The following ZFP91 variants were observed in gnomAD, a reference collection of about 807,000 sequenced individuals.
The protein encoded by ZFP91 is E3 ubiquitin-protein ligase ZFP91.
A neutral mutation model predicts 63.5 loss-of-function variants in ZFP91; 7 were observed. The observed-to-expected ratio is 0.11, with a 90% CI of 0.06 to 0.21. ZFP91 has a LOEUF of 0.21. Among genes scored for constraint, ZFP91 ranks in the 10% least tolerant of loss-of-function variants. ZFP91 has a pLI of 1.00. For synonymous variants in ZFP91, 330 were observed against 272.1 expected (o/e 1.21, Z -2.10); for missense variants, 628 against 736.6 (o/e 0.85, Z 1.71).
At chr11:58,604,727 A>G (rs1404656470) in intron 2 of ZFP91, among the ~76,000 whole-genome samples, 3 of 152,160 alleles carry the variant, frequency 2.0e-5, no homozygotes, top group Non-Finnish European at 1.5e-5. Flanking sequence ...TTAACACATT[A>G]TGAGTTCTTT....
At chr11:58,615,938 A>G (rs1855742368) in intron 9 of ZFP91, among the ~76,000 whole-genome samples, 1 of 152,232 alleles carries the variant, frequency 6.6e-6, no homozygotes, top group Non-Finnish European at 1.5e-5. Flanking sequence ...AAATATATAT[A>G]GAGAGCATCT....
In ZFP91 at chr11:58,610,033, G is replaced by C. The variant is rs763115483; in HGVS notation, c.574G>C (p.Asp192His). ...GTCAGAACCAAATACAGACCAACTTGATTATGGTACAGTGCAACTAGAATA... is the reference window on the plus strand; with the variant it reads ...GTCAGAACCAAATACAGACCAACTTCATTATGGTACAGTGCAACTAGAATA... ...CKSEPNTDQLDYDVGEEHQSP... is the reference protein window; with the variant it reads ...CKSEPNTDQLHYDVGEEHQSP... Residue 192 changes from aspartate (D) to histidine (H), a missense_variant, in exon 3 of 11, where the codon GAT becomes CAT. Transcript: ENST00000316059. 2.5e-6 allele frequency: 4 copies of C among 1,614,132 alleles called. No homozygotes were observed. Among genetic ancestry groups the C allele is most frequent in the Admixed American group, 1.7e-5 (1 of 60,034 alleles).
At chr11:58,614,208 C>G in intron 8 of ZFP91, 21 bp from the exon 9 acceptor site, 1 of 1,510,174 alleles carries the variant, frequency 6.6e-7, no homozygotes, top group Non-Finnish European at 8.9e-7. Context: ...TTTTTCGCCC[C>G]TTTCACTTTC....
intron 1 of ZFP91, among the ~76,000 whole-genome samples, chr11:58,579,886 T>G (rs530702027): frequency 6.6e-6 from 1 of 152,264 alleles, no homozygotes; most frequent in African/African-American, 2.4e-5. Flanking sequence ...TCGCTAGTGA[T>G]CCACCTCCTC....
intron 1 of ZFP91, among the ~76,000 whole-genome samples, chr11:58,582,865 A>AT (rs1332230142): frequency 1.3e-5 from 2 of 152,244 alleles, no homozygotes; most frequent in South Asian, 2.1e-4. Flanking sequence ...GGAAATAAAA[A>AT]TTTTTCATTG....
chr11:58,595,600 C>T (rs1397733604), intron 2 of ZFP91, among the ~76,000 whole-genome samples: 8 of 143,770 alleles, frequency 5.6e-5, no homozygotes, highest in African/African-American at 7.7e-5. Flanking sequence ...GGTTTTGAGA[C>T]GGGGTCGTAC....
chr11:58,579,634 T>C lies in ZFP91; in HGVS notation c.341+12T>C, dbSNP rs760218836. 6.5e-7 allele frequency: 1 copy of C among 1,543,484 alleles called. No homozygotes were observed. The highest frequency in any genetic ancestry group is 1.2e-5 in the South Asian group (1 of 83,794). ...AGTCCGCGACTCCTGTGAGTAACAG[T>C]CTTTCAGGCGGTGGGAAAGACCCCC... On this transcript the variant is annotated intron_variant, in intron 1 of 10. Coordinates refer to ENST00000316059, the MANE Select transcript of ZFP91 (RefSeq NM_053023.5).
At chr11:58,587,780 A>C (rs1335624525) in intron 2 of ZFP91, among the ~76,000 whole-genome samples, 1 of 152,126 alleles carries the variant, frequency 6.6e-6, no homozygotes. Context: ...TATGAAGCCT[A>C]ATTTTTTTTT....
At position 58,617,168 on chromosome 11, in the gene ZFP91, C is replaced by T; in HGVS notation, c.1203-28C>T. 1 of 1,539,426 alleles carries T rather than the reference C, an allele frequency of 6.5e-7. No homozygotes were observed. The highest frequency in any genetic ancestry group is 8.7e-7 in the Non-Finnish European group (1 of 1,147,772). ...AGCACTCTTTATTTCTCTGTTGGAT[C>T]AGCCATTTCCTTTTCTCCTCTCCTT... is the stretch of plus-strand genomic sequence containing the variant. On this transcript the variant is annotated intron_variant, in intron 10 of 10. Coordinates refer to ENST00000316059, the MANE Select transcript of ZFP91 (RefSeq NM_053023.5). This position sits in a 1 kb window ranked among gnomAD's most constrained non-coding sequence, Gnocchi z 4.2.
intron 4 of ZFP91, 94 bp downstream of exon 4, chr11:58,610,428 T>C (rs1855641027): frequency 7.9e-7 from 1 of 1,260,320 alleles, no homozygotes; most frequent in Admixed American, 2.6e-5. Context: ...TGAAATTATT[T>C]TGAGCTGTAA....
chr11:58,579,255 T>A lies in ZFP91; in HGVS notation c.-27T>A, dbSNP rs1590603675. 1.5e-6 allele frequency: 2 copies of A among 1,374,050 alleles called. No homozygotes were observed. Among genetic ancestry groups the A allele is most frequent in the Non-Finnish European group, 1.9e-6 (2 of 1,077,760 alleles). 85.1% of individuals were successfully genotyped at this position (1,374,050 alleles called of 1,614,324 possible). A position where few individuals can be genotyped will look rare whatever the true frequency, so the allele number is the denominator to read the frequency against. On this transcript the variant is annotated 5_prime_UTR_variant, in exon 1 of 11. Transcript: ENST00000316059. ...CGCCTCCGCCTCCGCCGCCTAGGACTAGGGGGTGGGGGACGGACAAGCCCC... is the reference window on the plus strand; with the variant it reads ...CGCCTCCGCCTCCGCCGCCTAGGACAAGGGGGTGGGGGACGGACAAGCCCC...
At position 58,611,895 on chromosome 11, in the gene ZFP91, C is replaced by G. The variant is rs138250248; in HGVS notation, c.857+157C>G. ...TGGCCTCAAGCAGCTGACAATTTCA[C>G]TGGAGAGACTCTTAGTAAAAAAATG... On this transcript the variant is annotated intron_variant, in intron 6 of 10. Transcript: ENST00000316059. The G allele has an allele frequency of 4.8e-5, 36 of 742,384 alleles. No homozygotes were observed. The East Asian group carries it at 9.9e-4, about 20-fold the overall frequency. The allele number at this position is 742,384 out of a possible 1,614,324, so 46.0% of individuals were successfully genotyped here.
At chr11:58,603,555 C>T (rs965996902) in intron 2 of ZFP91, among the ~76,000 whole-genome samples, 1 of 152,182 alleles carries the variant, frequency 6.6e-6, no homozygotes, top group Non-Finnish European at 1.5e-5. Context: ...AATGTTGTGA[C>T]AGCAGAAACA....
intron 2 of ZFP91, among the ~76,000 whole-genome samples, chr11:58,591,141 C>T (rs1372675671): frequency 6.6e-6 from 1 of 152,142 alleles, no homozygotes; most frequent in East Asian, 1.9e-4. Flanking sequence ...TCCTTCAAGT[C>T]AACCGCCCCC....
In ZFP91 at chr11:58,579,286, C is replaced by CG; in HGVS notation, c.10dup (p.Glu4GlyfsTer32). On this transcript the variant is annotated frameshift_variant, in exon 1 of 11. Coordinates refer to ENST00000316059, the MANE Select transcript of ZFP91 (RefSeq NM_053023.5). LOFTEE classifies it high-confidence loss of function. Reference sequence around the variant, plus strand: ...GTGGGGGACGGACAAGCCCCGATGCCGGGGGAGACGGAAGAGCCGAGACCC... The same window carrying CG: ...GTGGGGGACGGACAAGCCCCGATGCCGGGGGGAGACGGAAGAGCCGAGACCC... 6.9e-7 allele frequency: 1 copy of CG among 1,449,736 alleles called. No individual in the cohort carries two copies. 89.8% of individuals were successfully genotyped at this position (1,449,736 alleles called of 1,614,324 possible). A position where few individuals can be genotyped will look rare whatever the true frequency, so the allele number is the denominator to read the frequency against.
chr11:58,605,604 C>T (rs917070474), intron 2 of ZFP91, among the ~76,000 whole-genome samples: 8 of 151,724 alleles, frequency 5.3e-5, no homozygotes, highest in Non-Finnish European at 8.8e-5. Context: ...ACACTGCCTT[C>T]TGACTTCCAT....
intron 2 of ZFP91, among the ~76,000 whole-genome samples, chr11:58,602,963 G>C (rs1200580935): frequency 5.3e-5 from 8 of 152,098 alleles, no homozygotes; most frequent in Admixed American, 3.3e-4. Context: ...TGGGCAACAA[G>C]AGTGAAACTC....
In ZFP91 at chr11:58,610,959, G is replaced by C; in HGVS notation, c.627G>C (p.Glu209Asp). Reference protein sequence around the residue: ...HQSPGGISSEEEEEEEEEMLI... With the variant: ...HQSPGGISSEDEEEEEEEMLI... ...ATTTACTTATTTTTAGTAGTGAAGA[G>C]GAAGAGGAGGAGGAAGAAGAGATGT... Residue 209 changes from glutamate to aspartate, a missense_variant, in exon 5 of 11, where the codon GAG becomes GAC. Physicochemically the swap from Glu to Asp is conservative, Grantham distance 45 (BLOSUM62 2). Coordinates refer to ENST00000316059, the MANE Select transcript of ZFP91 (RefSeq NM_053023.5). The C allele has an allele frequency of 6.2e-7, 1 of 1,611,658 alleles. No individual in the cohort carries two copies. The highest frequency in any genetic ancestry group is 1.3e-5 in the African/African-American group (1 of 74,968).
Position 58,579,600 on chromosome 11 carries a change from G to C in ZFP91, c.319G>C (p.Gly107Arg), listed in dbSNP as rs781211272. The C allele has an allele frequency of 5.7e-6, 9 of 1,574,872 alleles. No individual in the cohort carries two copies. Among genetic ancestry groups the C allele is most frequent in the Non-Finnish European group, 7.7e-6 (9 of 1,164,686 alleles). The change falls in exon 1 of 11, where the codon GGC becomes CGC. Residue 107 changes from glycine to arginine, a missense_variant. Around this residue, in one of 3 missense-constraint regions of ZFP91, gnomAD observed 437 missense variants for 380.3 expected, o/e 1.15. Coordinates refer to ENST00000316059, the MANE Select transcript of ZFP91 (RefSeq NM_053023.5). Reference protein sequence around the residue: ...QAAKSPSPVQGKKSPRLLCIE... With the variant: ...QAAKSPSPVQRKKSPRLLCIE... ...CGCGAAGTCCCCGTCTCCAGTTCAG[G>C]GCAAGAAGAGTCCGCGACTCCTGTG...
Sources: gnomAD v4.1 joint callset for allele counts (sites outside exome capture counted in the v4.1 genomes callset) on GRCh38, gnomAD v4.1.1 for gene constraint, gnomAD v4.1.1 regional missense constraint, Gnocchi (gnomAD v3.1) non-coding constraint, MANE v1.5 for transcripts, NCBI Gene and HGNC (gene_info 2026-07-23, HGNC 2026-07-21) for gene names.